CCDC85C: variants seen among roughly 807,000 people sequenced by gnomAD.
CCDC85C encodes the protein coiled-coil domain containing 85C.
A neutral mutation model predicts 38.3 loss-of-function variants in CCDC85C; 18 were observed. The observed-to-expected ratio is 0.47, with a 90% CI of 0.33 to 0.70. CCDC85C has a LOEUF of 0.70. Among genes scored for constraint, CCDC85C ranks in the 30% least tolerant of loss-of-function variants. The pLI, the probability that CCDC85C is intolerant of heterozygous loss-of-function variation, is 0.03. For missense variants in CCDC85C, 566 were observed against 621.2 expected (o/e 0.91, Z 0.94); for synonymous variants, 264 against 293.8 (o/e 0.90, Z 1.04).
chr14:99,559,865 C>T (rs1291153689), intron 1 of CCDC85C, among the ~76,000 whole-genome samples: 1 of 152,096 alleles, frequency 6.6e-6, no homozygotes, highest in Non-Finnish European at 1.5e-5. Flanking sequence ...CACCCCTGCC[C>T]GGGAGAGAAC....
chr14:99,574,203 C>T (rs1261540620), intron 1 of CCDC85C, among the ~76,000 whole-genome samples: 2 of 152,124 alleles, frequency 1.3e-5, no homozygotes, highest in African/African-American at 2.4e-5. Context: ...CTCTCTGACC[C>T]GCCACCTGCC....
chr14:99,502,448 C>G lies in CCDC85C; in HGVS notation c.*12798G>C, dbSNP rs1378192198. 4.5e-6 allele frequency: 7 copies of G among 1,539,144 alleles called. No homozygotes were observed. Among genetic ancestry groups the G allele is most frequent in the Non-Finnish European group, 6.1e-6 (7 of 1,144,856 alleles). Reference sequence around the variant, plus strand: ...TGATTCTTCCATGTGTACCCTGAGTCCCAAGAATGGATTTTCCCAGATAGA... The same window carrying G: ...TGATTCTTCCATGTGTACCCTGAGTGCCAAGAATGGATTTTCCCAGATAGA... On this transcript the variant is annotated 3_prime_UTR_variant, in exon 6 of 6. Transcript: ENST00000380243.
In CCDC85C at chr14:99,588,395, G is replaced by A. The variant is rs2055049659; in HGVS notation, c.793+14772C>T. On this transcript the variant is annotated intron_variant, in intron 1 of 5. Coordinates refer to ENST00000380243, the MANE Select transcript of CCDC85C (RefSeq NM_001144995.2). The surrounding 1 kb of genome is among the most constrained non-coding windows in gnomAD (Gnocchi z 5.0). ...CCCGCCGGGTGCTCCTAAGCCTGCT[G>A]TTTCCAGATGCCAATGCCAGTCAAT... 6.6e-6 allele frequency among the ~76,000 whole-genome samples: 1 copy of A among 152,070 alleles called. No homozygotes were observed. The highest frequency in any genetic ancestry group is 1.9e-4 in the East Asian group (1 of 5,142).
intron 2 of CCDC85C, among the ~76,000 whole-genome samples, chr14:99,529,172 C>G (rs1897446402): frequency 6.6e-6 from 1 of 152,162 alleles, no homozygotes; most frequent in South Asian, 2.1e-4. Flanking sequence ...CCCTTGGTCC[C>G]CATGTCATTT....
At position 99,502,421 on chromosome 14, in the gene CCDC85C, G is replaced by A. The variant is rs368774342; in HGVS notation, c.*12825C>T. 69 of 1,594,768 alleles carry A rather than the reference G, an allele frequency of 4.3e-5. No homozygotes were observed. Among genetic ancestry groups the A allele is most frequent in the Non-Finnish European group, 5.8e-5 (68 of 1,169,932 alleles). On this transcript the variant is annotated 3_prime_UTR_variant, in exon 6 of 6. Transcript: ENST00000380243. ...TTCTCGTGAGGGTGTTCCATGTTGAGATGATTCTTCCATGTGTACCCTGAG... is the reference window on the plus strand; with the variant it reads ...TTCTCGTGAGGGTGTTCCATGTTGAAATGATTCTTCCATGTGTACCCTGAG...
At chr14:99,537,592 CCCT>C (rs979424193) in intron 1 of CCDC85C, among the ~76,000 whole-genome samples, 1 of 152,056 alleles carries the variant, frequency 6.6e-6, no homozygotes, top group Non-Finnish European at 1.5e-5. Flanking sequence ...AACCAGCCTC[CCCT>C]CCTCCTCCAG....
rs2055055367 is a variant in CCDC85C, at chr14:99,588,970, C to A, written c.793+14197G>T. ...GAGGCCTGGGGAGACTGGTCAGAGA[C>A]TGAGGCAGAAAGAAAATAATCAGGA... On this transcript the variant is annotated intron_variant, in intron 1 of 5. Transcript: ENST00000380243. This position sits in a 1 kb window ranked among gnomAD's most constrained non-coding sequence, Gnocchi z 5.0. Among the ~76,000 whole-genome samples, 1 of 152,072 alleles carries A rather than the reference C, an allele frequency of 6.6e-6. No individual in the cohort carries two copies.
rs773130579 is a variant in CCDC85C, at chr14:99,501,428, A to G, written c.*13818T>C. 2.6e-6 allele frequency: 4 copies of G among 1,510,504 alleles called. No homozygotes were observed. The highest frequency in any genetic ancestry group is 2.3e-5 in the South Asian group (2 of 88,552). The allele number at this position is 1,510,504 out of a possible 1,614,324, so 93.6% of individuals were successfully genotyped here. On this transcript the variant is annotated 3_prime_UTR_variant, in exon 6 of 6. Transcript: ENST00000380243. ...GTAAATGACAGGTATACATGTTCAA[A>G]TGTTGATTAATTACAGTATTTTAAA... is the stretch of plus-strand genomic sequence containing the variant.
rs1897771314 is a variant in CCDC85C, at chr14:99,544,508, GTGTGTGTGTC to G, written c.794-8430_794-8421del. Among the ~76,000 whole-genome samples, 1 of 151,900 alleles carries G rather than the reference GTGTGTGTGTC, an allele frequency of 6.6e-6. No homozygotes were observed. Among genetic ancestry groups the G allele is most frequent in the African/African-American group, 2.4e-5 (1 of 41,188 alleles). ...TTGAAGGGTGTGTGTGTGTGTGTGT[GTGTGTGTGTC>G]TGTGTGTCTGTGTGTTCCCACACCC... On this transcript the variant is annotated intron_variant, in intron 1 of 5. Transcript: ENST00000380243. The surrounding 1 kb of genome is among the most constrained non-coding windows in gnomAD (Gnocchi z 5.3).
intron 1 of CCDC85C, among the ~76,000 whole-genome samples, chr14:99,555,045 C>A (rs769360443): frequency 5.3e-5 from 8 of 152,234 alleles, no homozygotes; most frequent in Non-Finnish European, 8.8e-5. Flanking sequence ...CAGGGGAGAG[C>A]CAGTGCCAGG....
rs1274169516 is a variant in CCDC85C at position 99,500,565 on chromosome 14, T to C, written c.*14681A>G. The stretch of plus-strand genomic sequence containing the variant: ...TTTTTTTTACATTACACCTCTGCTT[T>C]GTCTTCCTGTTTGAGATCTTTTCAG... On this transcript the variant is annotated 3_prime_UTR_variant, in exon 6 of 6. Coordinates refer to ENST00000380243, the MANE Select transcript of CCDC85C (RefSeq NM_001144995.2). 1 of 548,286 alleles carries C rather than the reference T, an allele frequency of 1.8e-6. No individual in the cohort carries two copies. The highest frequency in any genetic ancestry group is 2.0e-5 in the African/African-American group (1 of 50,492). The allele number at this position is 548,286 out of a possible 1,614,324, so 34.0% of individuals were successfully genotyped here.
At chr14:99,560,900 A>G (rs988539339) in intron 1 of CCDC85C, among the ~76,000 whole-genome samples, 1 of 152,198 alleles carries the variant, frequency 6.6e-6, no homozygotes, top group Non-Finnish European at 1.5e-5. Context: ...GGGCCTCCTC[A>G]GAGAACAGGG....
chr14:99,560,594 C>T (rs1035052507), intron 1 of CCDC85C, among the ~76,000 whole-genome samples: 2 of 152,204 alleles, frequency 1.3e-5, no homozygotes, highest in Non-Finnish European at 2.9e-5. Flanking sequence ...GAAGGGGCTG[C>T]GCAGGCTCTG....
chr14:99,596,888 A>C (rs542071195), intron 1 of CCDC85C, among the ~76,000 whole-genome samples: 1 of 152,266 alleles, frequency 6.6e-6, no homozygotes, highest in African/African-American at 2.4e-5. Flanking sequence ...CTGGGGATGG[A>C]GGGCACAGCA....
At chr14:99,583,502 CA>C (rs35333670) in intron 1 of CCDC85C, among the ~76,000 whole-genome samples, 37,478 of 85,410 alleles carry the variant, frequency 0.44, 5,633 homozygotes, top group Admixed American at 0.51. Flanking sequence ...AACTCCTTCT[CA>C]AAAAAAAAAA....
chr14:99,525,113 C>G (rs1897358768), intron 2 of CCDC85C, among the ~76,000 whole-genome samples: 1 of 152,210 alleles, frequency 6.6e-6, no homozygotes. Flanking sequence ...GGTTGCAGGG[C>G]CTCCTTTTCC....
intron 1 of CCDC85C, among the ~76,000 whole-genome samples, chr14:99,557,550 AC>A (rs1367319572): frequency 5.3e-5 from 8 of 152,186 alleles, no homozygotes; most frequent in African/African-American, 1.7e-4. Context: ...CTGGCTCTTC[AC>A]CAAGTCACTC....
chr14:99,581,682 CA>C (rs2054971806), intron 1 of CCDC85C, among the ~76,000 whole-genome samples: 1 of 152,188 alleles, frequency 6.6e-6, no homozygotes, highest in Admixed American at 6.5e-5. Context: ...AATGGGCTCG[CA>C]GGGAAACAAC....
intron 2 of CCDC85C, among the ~76,000 whole-genome samples, chr14:99,530,724 G>A (rs905582172): frequency 9.9e-5 from 15 of 152,222 alleles, no homozygotes; most frequent in Non-Finnish European, 1.8e-4. Context: ...TGCTTCCCAG[G>A]GGCCACATCA....
Sources: gnomAD v4.1 joint callset for allele counts (sites outside exome capture counted in the v4.1 genomes callset) on GRCh38, gnomAD v4.1.1 for gene constraint, Gnocchi (gnomAD v3.1) non-coding constraint, MANE v1.5 for transcripts, NCBI Gene and HGNC (gene_info 2026-07-23, HGNC 2026-07-21) for gene names.